Variants in PATJ observed in about 807,000 individuals in gnomAD.
PATJ encodes PATJ crumbs cell polarity complex component.
A neutral mutation model predicts 224.9 loss-of-function variants in PATJ; 190 were observed. The ratio of observed to expected loss-of-function variants is 0.84; its 90% CI spans 0.75 to 0.95. The LOEUF is 0.95. Among genes scored for constraint, PATJ ranks in the 40% least tolerant of loss-of-function variants. PATJ has a pLI of 0.00. For missense variants in PATJ, 2,121 were observed against 2,270.3 expected (o/e 0.93, Z 1.34); for synonymous variants, 769 against 820.3 (o/e 0.94, Z 1.07).
intron 27 of PATJ, among the ~76,000 whole-genome samples, chr1:61,965,079 A>G (rs1161280637): frequency 4.0e-5 from 5 of 126,394 alleles, no homozygotes; most frequent in African/African-American, 1.5e-4. Context: ...CTGAGAGTGC[A>G]CCACTGTATT....
At chr1:62,139,657 G>C (rs893921583) in intron 41 of PATJ, among the ~76,000 whole-genome samples, 1 of 152,044 alleles carries the variant, frequency 6.6e-6, no homozygotes, top group Non-Finnish European at 1.5e-5. Flanking sequence ...GCCCCAGGAA[G>C]GTTTAACTCT....
chr1:62,003,267 C>T (rs1044121775), intron 28 of PATJ, among the ~76,000 whole-genome samples: 1 of 152,198 alleles, frequency 6.6e-6, no homozygotes, highest in Non-Finnish European at 1.5e-5. Context: ...TAGAACAACA[C>T]AGAAACATAT....
At chr1:61,759,731 T>C (rs536578341) in intron 1 of PATJ, among the ~76,000 whole-genome samples, 1 of 152,324 alleles carries the variant, frequency 6.6e-6, no homozygotes, top group South Asian at 2.1e-4. Context: ...TAATTTACTT[T>C]TTCCAGGAGT....
At chr1:61,850,083 A>G (rs1221979816) in intron 17 of PATJ, among the ~76,000 whole-genome samples, 1 of 151,958 alleles carries the variant, frequency 6.6e-6, no homozygotes, top group African/African-American at 2.4e-5. Flanking sequence ...TGAGTTTGCC[A>G]TGGTAGCTTG....
At chr1:61,856,353 G>T (rs939103114) in intron 18 of PATJ, 114 bp downstream of exon 18, 1 of 778,914 alleles carries the variant, frequency 1.3e-6, no homozygotes, top group Non-Finnish European at 2.1e-6. Flanking sequence ...TTTACTATGT[G>T]TGTGACCTTG....
intron 9 of PATJ, among the ~76,000 whole-genome samples, chr1:61,795,002 C>T (rs1181129663): frequency 6.9e-6 from 1 of 145,874 alleles, no homozygotes; most frequent in Non-Finnish European, 1.5e-5. Context: ...ACAAAAAGAT[C>T]ATATATAGTT....
At chr1:61,838,521 A>ATTTTTTTTTTTTTTT (rs34877280) in intron 17 of PATJ, among the ~76,000 whole-genome samples, 3 of 115,576 alleles carry the variant, frequency 2.6e-5, no homozygotes, top group African/African-American at 6.9e-5. Flanking sequence ...CGCCTGGCTA[A>ATTTTTTTTTTTTTTT]TTTTTTTTTT....
intron 28 of PATJ, among the ~76,000 whole-genome samples, chr1:62,012,515 G>A (rs1300524468): frequency 6.6e-6 from 1 of 151,816 alleles, no homozygotes; most frequent in African/African-American, 2.4e-5. Flanking sequence ...TTCTATATCT[G>A]TTGTTTAAAG....
Position 61,754,658 on chromosome 1 carries a change from G to A in PATJ, c.-35-8200G>A, listed in dbSNP as rs1230035914. 3.1e-4 allele frequency among the ~76,000 whole-genome samples: 47 copies of A among 151,182 alleles called. No homozygotes were observed. The Admixed American group carries it at 3.1e-3, about 10-fold the overall frequency. ...ATTACAGGCATGAGCCAACGTGCCT[G>A]GCCTTATATACTCGTAAAGCTTTAA... is the stretch of plus-strand genomic sequence containing the variant. On this transcript the variant is annotated intron_variant, in intron 1 of 43. Coordinates refer to ENST00000642238, the MANE Select transcript of PATJ (RefSeq NM_001350145.3).
Position 62,019,621 on chromosome 1 carries a change from TC to T in PATJ, c.3959+1676del, listed in dbSNP as rs1286237309. 1.3e-5 allele frequency among the ~76,000 whole-genome samples: 2 copies of T among 152,104 alleles called. 1 individual carries two copies. The highest frequency in any genetic ancestry group is 2.9e-5 in the Non-Finnish European group (2 of 68,018). On this transcript the variant is annotated intron_variant, in intron 29 of 43. Coordinates refer to ENST00000642238, the MANE Select transcript of PATJ (RefSeq NM_001350145.3). ...CTATTTTCAGAGAGTGAAAGCTTCCTCCTTCACCTATGTCTTTGTATATTAA... is the reference window on the plus strand; with the variant it reads ...CTATTTTCAGAGAGTGAAAGCTTCCTCTTCACCTATGTCTTTGTATATTAA...
chr1:62,046,249 G>A (rs1362897734), intron 30 of PATJ, among the ~76,000 whole-genome samples: 1 of 140,004 alleles, frequency 7.1e-6, no homozygotes, highest in Non-Finnish European at 1.6e-5. Context: ...AGGGAGGGAG[G>A]GAGGGAGGGA....
intron 41 of PATJ, among the ~76,000 whole-genome samples, chr1:62,139,493 GTGT>G: frequency 6.6e-6 from 1 of 150,790 alleles, no homozygotes; most frequent in East Asian, 2.0e-4. Context: ...CCTTACCTCT[GTGT>G]TGTTCAGTCA....
intron 17 of PATJ, among the ~76,000 whole-genome samples, chr1:61,846,765 G>A (rs1252692684): frequency 2.0e-5 from 3 of 151,952 alleles, no homozygotes; most frequent in Non-Finnish European, 4.4e-5. Flanking sequence ...CCTGGCTAAC[G>A]TTTTTGTATT....
chr1:61,968,964 G>A (rs1473557350), intron 27 of PATJ, among the ~76,000 whole-genome samples: 1 of 152,146 alleles, frequency 6.6e-6, no homozygotes, highest in African/African-American at 2.4e-5. Flanking sequence ...TTGTGTAAGT[G>A]GAATCATATT....
At position 62,162,162 on chromosome 1, in the gene PATJ, C is replaced by T. The variant is rs1450820095; in HGVS notation, c.*1108C>T. 4 of 152,180 alleles carry T rather than the reference C, an allele frequency of 2.6e-5. No individual in the cohort carries two copies. Among genetic ancestry groups the T allele is most frequent in the Admixed American group, 6.6e-5 (1 of 15,258 alleles). The allele number at this position is 152,180 out of a possible 1,614,324, so 9.4% of individuals were successfully genotyped here. On this transcript the variant is annotated 3_prime_UTR_variant, in exon 44 of 44. Coordinates refer to ENST00000642238, the MANE Select transcript of PATJ (RefSeq NM_001350145.3). ...TCTGAATTCTAACAGTGCTAAATTA[C>T]ATTCAAGTCCAGGAAGATCACCTGG...
At chr1:61,979,196 T>G (rs1395603071) in intron 27 of PATJ, among the ~76,000 whole-genome samples, 1 of 152,078 alleles carries the variant, frequency 6.6e-6, no homozygotes, top group Non-Finnish European at 1.5e-5. Context: ...AAAGAAGTAG[T>G]TTACTTATCT....
At chr1:62,115,977 G>T (rs1664407184) in intron 35 of PATJ, among the ~76,000 whole-genome samples, 1 of 151,990 alleles carries the variant, frequency 6.6e-6, no homozygotes, top group Non-Finnish European at 1.5e-5. Flanking sequence ...TGCACATCTG[G>T]GTGCAGAGCA....
chr1:61,894,683 A>G (rs1340558222), intron 22 of PATJ, among the ~76,000 whole-genome samples: 1 of 152,232 alleles, frequency 6.6e-6, no homozygotes, highest in Admixed American at 6.5e-5. Flanking sequence ...ACCCAGTCTC[A>G]GGTAGTATCT....
At chr1:61,799,550 T>A (rs1232275330) in intron 11 of PATJ, among the ~76,000 whole-genome samples, 46 of 152,340 alleles carry the variant, frequency 3.0e-4, no homozygotes, top group East Asian at 2.3e-3. Context: ...AATGTTTTTT[T>A]AATTTAAAAT....
Sources: allele counts gnomAD v4.1 joint callset (sites outside exome capture counted in the v4.1 genomes callset), GRCh38; gene constraint gnomAD v4.1.1; transcripts MANE v1.5; gene names NCBI Gene and HGNC (gene_info 2026-07-23, HGNC 2026-07-21).